Variants in CDKAL1 observed in about 807,000 individuals in gnomAD.
CDKAL1 encodes threonylcarbamoyladenosine tRNA methylthiotransferase.
In CDKAL1, 32 loss-of-function variants were observed where a neutral mutation model predicts 68.2. The observed-to-expected ratio is 0.47, with a 90% CI of 0.35 to 0.63. The LOEUF is 0.63. CDKAL1 is among the 30% of genes least tolerant of loss of function. The probability of loss-of-function intolerance (pLI) is 0.00; values close to 1 mark genes in which losing one functional copy is unlikely to be tolerated. For missense variants in CDKAL1, 606 were observed against 696.7 expected, an observed-to-expected ratio of 0.87 and a Z score of 1.47; for synonymous variants, 234 against 244.3, an observed-to-expected ratio of 0.96 and a Z score of 0.39.
chr6:20,731,641 A>G (rs781263949), intron 5 of CDKAL1, among the ~76,000 whole-genome samples: 3 of 152,220 alleles, frequency 2.0e-5, no homozygotes, highest in Non-Finnish European at 4.4e-5. Context: ...GGTAGTATAT[A>G]TGCTTCATTA....
At chr6:20,566,037 T>G (rs1344816834) in intron 4 of CDKAL1, among the ~76,000 whole-genome samples, 1 of 152,046 alleles carries the variant, frequency 6.6e-6, no homozygotes, top group Non-Finnish European at 1.5e-5. Context: ...GATAGTTAAG[T>G]GTCCCAAAAA....
intron 8 of CDKAL1, among the ~76,000 whole-genome samples, chr6:20,822,883 A>G (rs1407918884): frequency 6.6e-6 from 1 of 152,142 alleles, no homozygotes; most frequent in Non-Finnish European, 1.5e-5. Context: ...TAAATTACCC[A>G]GTCTCTGGCA....
intron 13 of CDKAL1, among the ~76,000 whole-genome samples, chr6:21,184,196 C>CTTT (rs34248538): frequency 8.6e-6 from 1 of 116,944 alleles, no homozygotes; most frequent in South Asian, 2.6e-4. Context: ...TTTCTTTGAC[C>CTTT]TTTTTTTTTT....
At chr6:20,856,359 T>C (rs1759338256) in intron 9 of CDKAL1, among the ~76,000 whole-genome samples, 1 of 152,200 alleles carries the variant, frequency 6.6e-6, no homozygotes, top group Non-Finnish European at 1.5e-5. Context: ...GAAAAAGTAG[T>C]ATGGAAAAAC....
At chr6:20,695,675 T>C (rs1168476196) in intron 5 of CDKAL1, among the ~76,000 whole-genome samples, 1 of 152,164 alleles carries the variant, frequency 6.6e-6, no homozygotes, top group East Asian at 1.9e-4. Context: ...CAGGCAGATA[T>C]ACTCTGGATT....
chr6:20,608,664 C>T (rs1008347181), intron 4 of CDKAL1, among the ~76,000 whole-genome samples: 1 of 152,182 alleles, frequency 6.6e-6, no homozygotes, highest in Non-Finnish European at 1.5e-5. Flanking sequence ...TGCCCGCAGT[C>T]AAATCCTTTA....
chr6:20,748,549 T>C (rs1773760537), intron 6 of CDKAL1, among the ~76,000 whole-genome samples: 1 of 80,728 alleles, frequency 1.2e-5, no homozygotes. Flanking sequence ...CAAGACTCTG[T>C]TTCTGGAAAA....
chr6:20,725,350 T>C (rs946855486), intron 5 of CDKAL1, among the ~76,000 whole-genome samples: 1 of 152,254 alleles, frequency 6.6e-6, no homozygotes, highest in South Asian at 2.1e-4. Flanking sequence ...TGGAGCACTT[T>C]ACCTTGCTTA....
chr6:21,052,463 C>G (rs2150912771), intron 11 of CDKAL1, among the ~76,000 whole-genome samples: 1 of 152,140 alleles, frequency 6.6e-6, no homozygotes, highest in Non-Finnish European at 1.5e-5. Context: ...GTTCTCCCAC[C>G]TCAGTTTCCT....
At chr6:20,671,126 A>G (rs1466934069) in intron 5 of CDKAL1, among the ~76,000 whole-genome samples, 1 of 152,228 alleles carries the variant, frequency 6.6e-6, no homozygotes, top group African/African-American at 2.4e-5. Context: ...AACACTTTAT[A>G]TCCTTACCAC....
intron 9 of CDKAL1, among the ~76,000 whole-genome samples, chr6:20,887,662 C>G (rs1272426444): frequency 6.7e-6 from 1 of 148,576 alleles, no homozygotes; most frequent in African/African-American, 2.5e-5. Context: ...GAGAGATTGT[C>G]TGATGAGGTG....
chr6:20,658,108 A>G (rs1769113258), intron 5 of CDKAL1, among the ~76,000 whole-genome samples: 1 of 152,244 alleles, frequency 6.6e-6, no homozygotes, highest in Non-Finnish European at 1.5e-5. Context: ...AATGCTTTAT[A>G]GAAGTGTGGG....
intron 8 of CDKAL1, among the ~76,000 whole-genome samples, chr6:20,805,873 CTT>C (rs1776550822): frequency 6.6e-6 from 1 of 152,162 alleles, no homozygotes; most frequent in Non-Finnish European, 1.5e-5. Context: ...TGAAAATAAA[CTT>C]AAGACTATTT....
At chr6:20,682,951 CTTTTT>C (rs11364854) in intron 5 of CDKAL1, among the ~76,000 whole-genome samples, 1 of 126,534 alleles carries the variant, frequency 7.9e-6, no homozygotes, top group African/African-American at 2.9e-5. Flanking sequence ...CTTTTTCTTT[CTTTTT>C]TTTTTTTTTT....
intron 9 of CDKAL1, among the ~76,000 whole-genome samples, chr6:20,914,721 C>T (rs575896012): frequency 7.3e-4 from 111 of 152,234 alleles, no homozygotes; most frequent in Middle Eastern, 3.4e-3. Context: ...TTGCTTCTAC[C>T]GCATAGAACA....
At chr6:20,754,532 C>G (rs1774085917) in intron 6 of CDKAL1, among the ~76,000 whole-genome samples, 1 of 152,182 alleles carries the variant, frequency 6.6e-6, no homozygotes, top group Non-Finnish European at 1.5e-5. Flanking sequence ...TTCTGATTTG[C>G]ATTTCCTGGT....
At chr6:20,977,493 T>G (rs1342068004) in intron 10 of CDKAL1, among the ~76,000 whole-genome samples, 1 of 152,190 alleles carries the variant, frequency 6.6e-6, no homozygotes, top group African/African-American at 2.4e-5. Flanking sequence ...GTCTTTGTCT[T>G]TGGAAGTAGA....
intron 12 of CDKAL1, among the ~76,000 whole-genome samples, chr6:21,075,310 G>T (rs1044597483): frequency 4.1e-5 from 6 of 145,478 alleles, no homozygotes; most frequent in African/African-American, 1.5e-4. Flanking sequence ...ATAAATATTA[G>T]CATTAATATA....
chr6:20,986,116 GAAGT>G (rs1041077566), intron 10 of CDKAL1, among the ~76,000 whole-genome samples: 1 of 152,034 alleles, frequency 6.6e-6, no homozygotes, highest in African/African-American at 2.4e-5. Flanking sequence ...TGCTAATGTG[GAAGT>G]ATTATGATCC....
Sources: allele counts gnomAD v4.1 joint callset (sites outside exome capture counted in the v4.1 genomes callset), GRCh38; gene constraint gnomAD v4.1.1; transcripts MANE v1.5; gene names NCBI Gene and HGNC (gene_info 2026-07-23, HGNC 2026-07-21).